The following IPCEF1 variants were observed in gnomAD, a reference collection of about 807,000 sequenced individuals.
IPCEF1 encodes interaction protein for cytohesin exchange factors 1.
A neutral mutation model predicts 50.9 loss-of-function variants in IPCEF1; 31 were observed. The observed-to-expected ratio is 0.61, with a 90% CI of 0.46 to 0.82. IPCEF1 has a LOEUF of 0.82. Ranked by LOEUF, IPCEF1 falls within the 40% of genes least tolerant of loss-of-function variation. The pLI is 0.00. For synonymous variants in IPCEF1, 181 were observed against 192.0 expected, an observed-to-expected ratio of 0.94 and a Z score of 0.47; for missense variants, 458 against 514.0, an observed-to-expected ratio of 0.89 and a Z score of 1.05.
At chr6:154,207,191 G>C (rs1199738558) in intron 9 of IPCEF1, among the ~76,000 whole-genome samples, 1 of 152,210 alleles carries the variant, frequency 6.6e-6, no homozygotes, top group Non-Finnish European at 1.5e-5. Context: ...AGAGCCACCG[G>C]GCTGCGTGAC....
At chr6:154,334,713 T>G (rs778983331) in intron 1 of IPCEF1, among the ~76,000 whole-genome samples, 2 of 152,250 alleles carry the variant, frequency 1.3e-5, no homozygotes, top group Non-Finnish European at 2.9e-5. Flanking sequence ...CATTGACTAG[T>G]AGAATGGCCT....
In IPCEF1 at chr6:154,237,015, T is replaced by A. The variant is rs113182051; in HGVS notation, c.246+9576A>T. Among the ~76,000 whole-genome samples, 578 of 152,372 alleles carry A rather than the reference T, an allele frequency of 3.8e-3. 3 individuals carry two copies. The highest frequency in any genetic ancestry group is 0.013 in the African/African-American group (548 of 41,592). On this transcript the variant is annotated intron_variant, in intron 5 of 11. Coordinates refer to ENST00000367220, the MANE Select transcript of IPCEF1 (RefSeq NM_001130700.2). ...AACTTTCCTCTCTATGGTTTCCTTT[T>A]GAAATCTTCTTGAAACATGCTCTAT...
intron 1 of IPCEF1, among the ~76,000 whole-genome samples, chr6:154,300,736 G>T (rs115597166): frequency 1.8e-4 from 28 of 152,268 alleles, no homozygotes; most frequent in African/African-American, 6.7e-4. Context: ...TTCCCCATGG[G>T]CTTTGAAGAA....
At position 154,193,159 on chromosome 6, in the gene IPCEF1, C is replaced by A. The variant is rs549522908; in HGVS notation, c.910+6509G>T. On this transcript the variant is annotated intron_variant, in intron 10 of 11. Coordinates refer to ENST00000367220, the MANE Select transcript of IPCEF1 (RefSeq NM_001130700.2). ...ACAAGTGGATAAAGAAACTGTGGTACATATATACCATAGAATACTACTCAG... is the reference window on the plus strand; with the variant it reads ...ACAAGTGGATAAAGAAACTGTGGTAAATATATACCATAGAATACTACTCAG... 4.7e-4 allele frequency among the ~76,000 whole-genome samples: 72 copies of A among 152,106 alleles called. 1 individual carries two copies. The highest frequency in any genetic ancestry group is 1.2e-4 in the Non-Finnish European group (8 of 68,016).
chr6:154,260,845 A>G (rs73569035), intron 3 of IPCEF1, among the ~76,000 whole-genome samples: 1,893 of 152,228 alleles, frequency 0.012, 39 homozygotes, highest in African/African-American at 0.042. Context: ...TTTAATGAGA[A>G]ACTGATCATA....
intron 1 of IPCEF1, among the ~76,000 whole-genome samples, chr6:154,349,647 A>C (rs1235461157): frequency 6.6e-6 from 1 of 152,114 alleles, no homozygotes; most frequent in Non-Finnish European, 1.5e-5. Flanking sequence ...AAGTAGTTAA[A>C]TGTTCTATTC....
Position 154,214,264 on chromosome 6 carries a change from T to A in IPCEF1, c.405A>T (p.Lys135Asn). The A allele has an allele frequency of 6.2e-7, 1 of 1,609,544 alleles. No individual in the cohort carries two copies. The highest frequency in any genetic ancestry group is 1.7e-5 in the Admixed American group (1 of 60,020). The change falls in exon 8 of 12, where the codon AAA (lysine) becomes AAT (asparagine). Residue 135 changes from lysine to asparagine, a missense_variant. Physicochemically the swap from Lys to Asn is moderately conservative, Grantham distance 94 (BLOSUM62 0). Coordinates refer to ENST00000367220, the MANE Select transcript of IPCEF1 (RefSeq NM_001130700.2). ...CCTGATGGATTACAGCCGATCCAAG[T>A]TTATTTAACCACCTAAAATTCAAAT... is the stretch of plus-strand genomic sequence containing the variant. Reference protein sequence around the residue: ...NVQEMNVWLNKLGSAVIHQES... With the variant: ...NVQEMNVWLNNLGSAVIHQES...
intron 2 of IPCEF1, among the ~76,000 whole-genome samples, chr6:154,273,038 T>A (rs187578399): frequency 5.3e-4 from 81 of 152,356 alleles, no homozygotes; most frequent in Non-Finnish European, 9.6e-4. Flanking sequence ...AGATAATTTA[T>A]TGTGATTTAG....
chr6:154,262,165 G>A (rs1781616945), intron 3 of IPCEF1, among the ~76,000 whole-genome samples: 1 of 152,176 alleles, frequency 6.6e-6, no homozygotes, highest in East Asian at 1.9e-4. Context: ...CGGAAAAATA[G>A]ACACACGAGG....
intron 5 of IPCEF1, among the ~76,000 whole-genome samples, chr6:154,239,213 G>A (rs1038010316): frequency 1.3e-5 from 2 of 152,158 alleles, no homozygotes; most frequent in South Asian, 4.1e-4. Flanking sequence ...TTGGCAACAT[G>A]AGCAATTGTT....
At chr6:154,337,761 T>C (rs1327157504) in intron 1 of IPCEF1, among the ~76,000 whole-genome samples, 1 of 152,208 alleles carries the variant, frequency 6.6e-6, no homozygotes, top group African/African-American at 2.4e-5. Context: ...CTCAGTGCTA[T>C]ATAATGTGAG....
intron 3 of IPCEF1, among the ~76,000 whole-genome samples, chr6:154,248,040 G>C (rs1342677979): frequency 1.3e-5 from 2 of 152,146 alleles, no homozygotes; most frequent in East Asian, 3.8e-4. Flanking sequence ...CTTTCAGTGA[G>C]AGTTCAGTAG....
At chr6:154,189,190 C>T (rs1801642786) in intron 10 of IPCEF1, among the ~76,000 whole-genome samples, 1 of 152,156 alleles carries the variant, frequency 6.6e-6, no homozygotes, top group Non-Finnish European at 1.5e-5. Flanking sequence ...TGTGCTAATC[C>T]ATAATCAAGA....
intron 1 of IPCEF1, among the ~76,000 whole-genome samples, chr6:154,337,287 C>G (rs2128696158): frequency 1.3e-5 from 2 of 152,286 alleles, no homozygotes; most frequent in Middle Eastern, 6.8e-3. Context: ...TAGAAAAAGA[C>G]TTTTGAGAAA....
intron 11 of IPCEF1, among the ~76,000 whole-genome samples, chr6:154,162,372 T>G (rs1688872541): frequency 6.6e-6 from 1 of 152,228 alleles, no homozygotes; most frequent in Non-Finnish European, 1.5e-5. Context: ...CTGCATAGAT[T>G]CAGTCCCATC....
chr6:154,269,858 T>A (rs971639518), intron 2 of IPCEF1, among the ~76,000 whole-genome samples: 2 of 152,238 alleles, frequency 1.3e-5, no homozygotes, highest in African/African-American at 2.4e-5. Flanking sequence ...CAATGAGAAC[T>A]GGTTCAGCTA....
At chr6:154,312,277 A>G (rs990411737) in intron 1 of IPCEF1, among the ~76,000 whole-genome samples, 11 of 152,216 alleles carry the variant, frequency 7.2e-5, no homozygotes, top group Non-Finnish European at 1.5e-5. Flanking sequence ...AACCTAGAGA[A>G]ACAGGGAGTA....
intron 3 of IPCEF1, among the ~76,000 whole-genome samples, chr6:154,262,445 C>T (rs1470904533): frequency 6.6e-6 from 1 of 152,216 alleles, no homozygotes; most frequent in Admixed American, 6.5e-5. Flanking sequence ...ATTAAATCTC[C>T]AGTTCCTACC....
At chr6:154,306,434 C>A (rs2078974001) in intron 1 of IPCEF1, among the ~76,000 whole-genome samples, 1 of 152,116 alleles carries the variant, frequency 6.6e-6, no homozygotes. Context: ...GACAGGGTCT[C>A]TCTATGTTGC....
Sources: allele counts gnomAD v4.1 joint callset (sites outside exome capture counted in the v4.1 genomes callset), GRCh38; gene constraint gnomAD v4.1.1; transcripts MANE v1.5; gene names NCBI Gene and HGNC (gene_info 2026-07-23, HGNC 2026-07-21).